The following ADCK1 variants were observed in gnomAD, a reference collection of about 807,000 sequenced individuals.
ADCK1 encodes aarF domain containing kinase 1, also known as aarF domain-containing protein kinase 1.
A neutral mutation model predicts 52.3 loss-of-function variants in ADCK1; 41 were observed. The observed-to-expected ratio is 0.78, with a 90% CI of 0.61 to 1.02. The LOEUF (loss-of-function observed/expected upper bound fraction) is 1.02, where lower values mean the gene tolerates loss of function less well. Ranked by LOEUF, ADCK1 falls within the 50% of genes least tolerant of loss-of-function variation. The pLI is 0.00. For missense variants in ADCK1, 658 were observed against 679.5 expected, an observed-to-expected ratio of 0.97 and a Z score of 0.35; for synonymous variants, 250 against 274.6, an observed-to-expected ratio of 0.91 and a Z score of 0.89.
chr14:77,814,188 C>G (rs2081393073), intron 1 of ADCK1, among the ~76,000 whole-genome samples: 1 of 152,002 alleles, frequency 6.6e-6, no homozygotes, highest in Non-Finnish European at 1.5e-5. Flanking sequence ...AAGTGATCCT[C>G]CCACCTCAGC....
chr14:77,836,629 C>T (rs546684064), intron 3 of ADCK1, among the ~76,000 whole-genome samples: 84 of 152,154 alleles, frequency 5.5e-4, no homozygotes, highest in Non-Finnish European at 1.0e-3. Context: ...TCAAAGAACC[C>T]CCAGGACCAT....
At chr14:77,862,412 A>T (rs555779641) in intron 4 of ADCK1, among the ~76,000 whole-genome samples, 2 of 152,202 alleles carry the variant, frequency 1.3e-5, no homozygotes, top group Admixed American at 1.3e-4. Flanking sequence ...CAAGTCAGGG[A>T]TGGTTGTAAA....
At chr14:77,886,568 C>A (rs140251548) in intron 4 of ADCK1, among the ~76,000 whole-genome samples, 1 of 152,102 alleles carries the variant, frequency 6.6e-6, no homozygotes, top group South Asian at 2.1e-4. Context: ...GTATGCCTAC[C>A]GTGAATGTCC....
intron 7 of ADCK1, among the ~76,000 whole-genome samples, chr14:77,910,526 G>C (rs886531914): frequency 2.0e-5 from 3 of 152,156 alleles, no homozygotes; most frequent in African/African-American, 7.2e-5. Flanking sequence ...TCTGTCGCCT[G>C]CTGATCAGGA....
intron 6 of ADCK1, among the ~76,000 whole-genome samples, chr14:77,899,997 G>A (rs1371188432): frequency 6.6e-6 from 1 of 151,582 alleles, no homozygotes; most frequent in East Asian, 1.9e-4. Flanking sequence ...TTGAACCCGG[G>A]AGGTGGAGAT....
intron 2 of ADCK1, among the ~76,000 whole-genome samples, chr14:77,821,533 G>A (rs1594875722): frequency 6.6e-6 from 1 of 152,002 alleles, no homozygotes; most frequent in African/African-American, 2.4e-5. Flanking sequence ...CTAGGATATC[G>A]TGGAGATTGG....
At position 77,924,655 on chromosome 14, in the gene ADCK1, C is replaced by G. The variant is rs770468762; in HGVS notation, c.1008+49C>G. 4 of 1,600,394 alleles carry G rather than the reference C, an allele frequency of 2.5e-6. No homozygotes were observed. The Admixed American group carries it at 5.0e-5, about 20-fold the overall frequency. On this transcript the variant is annotated intron_variant, in intron 8 of 10. Transcript: ENST00000238561. ...GCCCTGGGGCCTCTGGGGTTAGAGT[C>G]TGCTGACCACTCTAATTAGCTGCAG...
At position 77,819,080 on chromosome 14, in the gene ADCK1, T is replaced by C. The variant is rs758826407; in HGVS notation, c.102T>C (p.Phe34=). The change falls in exon 2 of 11, where the codon TTT becomes TTC. Residue 34 remains phenylalanine (F), a synonymous_variant. Transcript: ENST00000238561. ...YSNKYLDPND[F]GAVRVGRAVA... ...ACAAGTACTTGGACCCTAATGACTT[T>C]GGCGCTGTCAGGGTGGGCAGAGCAG... is the stretch of plus-strand genomic sequence containing the variant. 4 of 1,613,854 alleles carry C rather than the reference T, an allele frequency of 2.5e-6. No individual in the cohort carries two copies. Among genetic ancestry groups the C allele is most frequent in the Non-Finnish European group, 3.4e-6 (4 of 1,179,998 alleles).
Position 77,822,444 on chromosome 14 carries a change from A to T in ADCK1, c.145A>T (p.Ile49Phe). The change falls in exon 3 of 11, where the codon ATC becomes TTC. Residue 49 changes from isoleucine to phenylalanine, a missense_variant. By Grantham distance (21) the Ile-to-Phe change is conservative. Coordinates refer to ENST00000238561, the MANE Select transcript of ADCK1 (RefSeq NM_020421.4). ...VGRAVATTAVISYDYLTSLKS... is the reference protein window; with the variant it reads ...VGRAVATTAVFSYDYLTSLKS... The stretch of plus-strand genomic sequence containing the variant: ...CTGCCTTGGTTCACAGACGGCTGTC[A>T]TCAGTTACGACTACCTCACTTCCCT... 1 of 1,613,958 alleles carries T rather than the reference A, an allele frequency of 6.2e-7. No individual in the cohort carries two copies.
At chr14:77,868,660 C>T (rs539969605) in intron 4 of ADCK1, among the ~76,000 whole-genome samples, 2 of 152,266 alleles carry the variant, frequency 1.3e-5, no homozygotes, top group South Asian at 2.1e-4. Flanking sequence ...GCCCTCTGAT[C>T]GGCTGGTGTG....
chr14:77,876,746 A>G (rs1202457200), intron 4 of ADCK1, among the ~76,000 whole-genome samples: 1 of 152,138 alleles, frequency 6.6e-6, no homozygotes, highest in Non-Finnish European at 1.5e-5. Flanking sequence ...TGCTGAACTG[A>G]GCCAGTAGAG....
chr14:77,871,198 G>C (rs760378720), intron 4 of ADCK1, among the ~76,000 whole-genome samples: 6 of 152,170 alleles, frequency 3.9e-5, no homozygotes, highest in African/African-American at 1.2e-4. Flanking sequence ...GTTCAGGAAG[G>C]GGGAGGCAGC....
intron 4 of ADCK1, among the ~76,000 whole-genome samples, chr14:77,878,193 T>A (rs2082940694): frequency 6.6e-6 from 1 of 152,270 alleles, no homozygotes; most frequent in Non-Finnish European, 1.5e-5. Context: ...ACTCCTCAAA[T>A]GCCCAGTGAT....
In ADCK1 at chr14:77,822,378, GAGT is replaced by G. The variant is rs1225341665; in HGVS notation, c.136-49_136-47del. The G allele has an allele frequency of 9.9e-6, 14 of 1,420,252 alleles. No homozygotes were observed. The East Asian group carries it at 3.0e-4, about 30-fold the overall frequency. 88.0% of individuals were successfully genotyped at this position (1,420,252 alleles called of 1,614,324 possible). Reference sequence around the variant, plus strand: ...GGACCTGTACTGCAAGGTTTGGGCAGAGTAGTAGTACTTAATGTCCAGGTGCTA... The same window carrying G: ...GGACCTGTACTGCAAGGTTTGGGCAGAGTAGTACTTAATGTCCAGGTGCTA... On this transcript the variant is annotated intron_variant, in intron 2 of 10. Transcript: ENST00000238561.
At chr14:77,932,024 C>A (rs1361148836) in intron 10 of ADCK1, among the ~76,000 whole-genome samples, 2 of 152,006 alleles carry the variant, frequency 1.3e-5, no homozygotes, top group Non-Finnish European at 2.9e-5. Context: ...GATCTCAGAT[C>A]TTTTTATTTA....
chr14:77,803,377 C>A (rs1293186516), intron 1 of ADCK1, among the ~76,000 whole-genome samples: 1 of 152,092 alleles, frequency 6.6e-6, no homozygotes, highest in Non-Finnish European at 1.5e-5. Flanking sequence ...TGAAATGTAG[C>A]ATAGGGAGAG....
intron 3 of ADCK1, among the ~76,000 whole-genome samples, chr14:77,857,257 G>A (rs946241412): frequency 6.6e-6 from 1 of 152,130 alleles, no homozygotes; most frequent in African/African-American, 2.4e-5. Flanking sequence ...AGACTGCTGT[G>A]AGCCATGATT....
chr14:77,846,135 G>C (rs2082168916), intron 3 of ADCK1, among the ~76,000 whole-genome samples: 1 of 152,122 alleles, frequency 6.6e-6, no homozygotes. Context: ...CCTCTGACCA[G>C]AACATCACTA....
chr14:77,818,873 A>G (rs2081520224), intron 1 of ADCK1, 95 bp from the exon 2 acceptor site: 2 of 1,402,672 alleles, frequency 1.4e-6, no homozygotes, highest in African/African-American at 2.9e-5. Context: ...CCAAGGTCAT[A>G]TAATCTAAGT....
Sources: allele counts gnomAD v4.1 joint callset (sites outside exome capture counted in the v4.1 genomes callset), GRCh38; gene constraint gnomAD v4.1.1; transcripts MANE v1.5; gene names NCBI Gene and HGNC (gene_info 2026-07-23, HGNC 2026-07-21).